Variants in ZNF804A observed in about 807,000 individuals in gnomAD.
ZNF804A encodes zinc finger protein 804A.
In ZNF804A, 2 loss-of-function variants were observed where a neutral mutation model predicts 16.5. That is an observed-to-expected ratio of 0.12 (90% confidence interval 0.05 to 0.38). The LOEUF (loss-of-function observed/expected upper bound fraction) is 0.38. Ranked by LOEUF, ZNF804A falls within the 10% of genes least tolerant of loss-of-function variation. ZNF804A has a pLI of 0.99. For missense variants in ZNF804A, 1,473 were observed against 1,390.7 expected (o/e 1.06, Z -0.94); for synonymous variants, 534 against 489.6 (o/e 1.09, Z -1.20).
intron 1 of ZNF804A, among the ~76,000 whole-genome samples, chr2:184,763,022 C>T (rs1242900542): frequency 6.6e-6 from 1 of 152,062 alleles, no homozygotes; most frequent in Non-Finnish European, 1.5e-5. Context: ...AAAAATGTAT[C>T]AAATAATTTT....
intron 2 of ZNF804A, among the ~76,000 whole-genome samples, chr2:184,884,260 TTTACAATGAGAA>T (rs1684853705): frequency 6.6e-6 from 1 of 152,028 alleles, no homozygotes; most frequent in Non-Finnish European, 1.5e-5. Context: ...GTGAAAGATC[TTTACAATGAGAA>T]TTACAAAACC....
chr2:184,791,928 C>G (rs1399239265), intron 1 of ZNF804A, among the ~76,000 whole-genome samples: 1 of 152,106 alleles, frequency 6.6e-6, no homozygotes, highest in African/African-American at 2.4e-5. Flanking sequence ...CAATACGTAG[C>G]CTTTTCAGAT....
chr2:184,624,099 T>C (rs1055305303), intron 1 of ZNF804A, among the ~76,000 whole-genome samples: 1 of 152,156 alleles, frequency 6.6e-6, no homozygotes, highest in Non-Finnish European at 1.5e-5. Context: ...AAAATAGTGC[T>C]GGCCCATTAA....
At chr2:184,850,030 C>T (rs1167402924) in intron 1 of ZNF804A, among the ~76,000 whole-genome samples, 1 of 151,702 alleles carries the variant, frequency 6.6e-6, no homozygotes, top group African/African-American at 2.4e-5. Context: ...CAATTGAACT[C>T]ATGAAGATAG....
intron 1 of ZNF804A, among the ~76,000 whole-genome samples, chr2:184,744,680 A>G (rs1014711070): frequency 2.6e-5 from 4 of 151,916 alleles, no homozygotes; most frequent in Non-Finnish European, 5.9e-5. Context: ...GTAAGACATA[A>G]TGTTTCCAAA....
At position 184,862,773 on chromosome 2, in the gene ZNF804A, T is replaced by C. The variant is rs549253419; in HGVS notation, c.112-3596T>C. Among the ~76,000 whole-genome samples, 5 of 152,232 alleles carry C rather than the reference T, an allele frequency of 3.3e-5. No individual in the cohort carries two copies. The South Asian group carries it at 8.3e-4, about 25-fold the overall frequency. On this transcript the variant is annotated intron_variant, in intron 1 of 3. Coordinates refer to ENST00000302277, the MANE Select transcript of ZNF804A (RefSeq NM_194250.2). ...ACAGAATAAAAGAGACTAAGAAGCA[T>C]AGAAGATGGTAATATATGGGCCTTA...
chr2:184,632,140 A>T (rs1691622102), intron 1 of ZNF804A, among the ~76,000 whole-genome samples: 1 of 152,130 alleles, frequency 6.6e-6, no homozygotes, highest in South Asian at 2.1e-4. Context: ...GTATATAATG[A>T]TACAGCTTTT....
intron 1 of ZNF804A, among the ~76,000 whole-genome samples, chr2:184,738,705 G>C (rs1456399827): frequency 6.6e-6 from 1 of 152,144 alleles, no homozygotes; most frequent in Non-Finnish European, 1.5e-5. Context: ...TTCAGGAAAA[G>C]ATTCATTCTA....
intron 1 of ZNF804A, among the ~76,000 whole-genome samples, chr2:184,632,547 C>G (rs183600693): frequency 2.6e-5 from 4 of 152,250 alleles, no homozygotes; most frequent in African/African-American, 9.6e-5. Context: ...AGGGGCGTGC[C>G]ACCACGCCTG....
intron 1 of ZNF804A, among the ~76,000 whole-genome samples, chr2:184,668,280 A>T (rs781263456): frequency 6.6e-6 from 1 of 151,904 alleles, no homozygotes; most frequent in Non-Finnish European, 1.5e-5. Flanking sequence ...CTTACCTATC[A>T]ATTTTATGGT....
intron 2 of ZNF804A, among the ~76,000 whole-genome samples, chr2:184,898,789 G>T (rs1193110288): frequency 6.6e-6 from 1 of 151,866 alleles, no homozygotes; most frequent in Non-Finnish European, 1.5e-5. Context: ...TTCCAAAGAA[G>T]AAATATCTAT....
At chr2:184,609,610 A>G (rs888451199) in intron 1 of ZNF804A, among the ~76,000 whole-genome samples, 2 of 152,218 alleles carry the variant, frequency 1.3e-5, no homozygotes, top group African/African-American at 4.8e-5. Context: ...ATATCTGGCG[A>G]GGACCTGCTT....
chr2:184,606,933 T>C (rs1175791063), intron 1 of ZNF804A, among the ~76,000 whole-genome samples: 2 of 152,210 alleles, frequency 1.3e-5, no homozygotes, highest in African/African-American at 4.8e-5. Context: ...CAGTTTATAA[T>C]ATTTCTTTTA....
At chr2:184,893,490 A>T (rs780063656) in intron 2 of ZNF804A, among the ~76,000 whole-genome samples, 2 of 152,034 alleles carry the variant, frequency 1.3e-5, no homozygotes, top group Non-Finnish European at 2.9e-5. Flanking sequence ...TGCTAGGATC[A>T]TTATATACAT....
chr2:184,799,215 T>G (rs1406150041), intron 1 of ZNF804A, among the ~76,000 whole-genome samples: 1 of 152,102 alleles, frequency 6.6e-6, no homozygotes, highest in Non-Finnish European at 1.5e-5. Context: ...AAATTCATGA[T>G]GCCAGCCTCC....
At chr2:184,671,774 T>A (rs1037604888) in intron 1 of ZNF804A, among the ~76,000 whole-genome samples, 3 of 152,226 alleles carry the variant, frequency 2.0e-5, no homozygotes, top group African/African-American at 7.2e-5. Context: ...GAACCAGTAG[T>A]CCCACTTGTC....
intron 1 of ZNF804A, among the ~76,000 whole-genome samples, chr2:184,808,890 T>C (rs888262069): frequency 1.3e-5 from 2 of 151,830 alleles, no homozygotes; most frequent in Admixed American, 1.3e-4. Context: ...CAGTCCATTG[T>C]AGACGTATCT....
intron 1 of ZNF804A, among the ~76,000 whole-genome samples, chr2:184,833,920 A>G (rs1695304243): frequency 6.6e-6 from 1 of 152,058 alleles, no homozygotes; most frequent in African/African-American, 2.4e-5. Flanking sequence ...ACAATTTAAT[A>G]CTGTGAAAAG....
At chr2:184,658,284 G>A (rs756627574) in intron 1 of ZNF804A, among the ~76,000 whole-genome samples, 3 of 152,106 alleles carry the variant, frequency 2.0e-5, no homozygotes, top group Non-Finnish European at 4.4e-5. Context: ...AGGAGTTCAA[G>A]GCCAGCCTAT....
Sources: gnomAD v4.1 joint callset for allele counts (sites outside exome capture counted in the v4.1 genomes callset) on GRCh38, gnomAD v4.1.1 for gene constraint, MANE v1.5 for transcripts, NCBI Gene and HGNC (gene_info 2026-07-23, HGNC 2026-07-21) for gene names.